Variants in ADAMTS16 observed in about 807,000 individuals in gnomAD.
ADAMTS16 encodes A disintegrin and metalloproteinase with thrombospondin motifs 16.
A neutral mutation model predicts 145.8 loss-of-function variants in ADAMTS16; 94 were observed. The observed-to-expected ratio is 0.64, with a 90% CI of 0.55 to 0.77. ADAMTS16 has a LOEUF of 0.77. Among genes scored for constraint, ADAMTS16 ranks in the 30% least tolerant of loss-of-function variants. The pLI, the probability that ADAMTS16 is intolerant of heterozygous loss-of-function variation, is 0.00. For synonymous variants in ADAMTS16, 659 were observed against 604.3 expected (o/e 1.09, Z -1.33); for missense variants, 1,585 against 1,591.5 (o/e 1.00, Z 0.07).
intron 8 of ADAMTS16, among the ~76,000 whole-genome samples, chr5:5,192,692 G>C (rs1735697073): frequency 1.3e-5 from 2 of 152,234 alleles, no homozygotes; most frequent in South Asian, 4.1e-4. Context: ...ATGGGCGGTG[G>C]GTCATTAGTG....
At chr5:5,176,318 A>G (rs938473412) in intron 3 of ADAMTS16, 2 of 152,272 alleles carry the variant, frequency 1.3e-5, no homozygotes, top group Admixed American at 6.5e-5. Flanking sequence ...GGTAAGAAGT[A>G]TTTACCCCTG....
intron 9 of ADAMTS16, among the ~76,000 whole-genome samples, chr5:5,200,482 A>T (rs1735926176): frequency 6.6e-6 from 1 of 152,202 alleles, no homozygotes; most frequent in Admixed American, 6.5e-5. Flanking sequence ...ATTCAAAGGG[A>T]ATCAATGACT....
At chr5:5,259,811 A>G (rs1737938301) in intron 17 of ADAMTS16, among the ~76,000 whole-genome samples, 2 of 152,186 alleles carry the variant, frequency 1.3e-5, no homozygotes, top group Admixed American at 1.3e-4. Flanking sequence ...CTCAGCTTTC[A>G]GCTTCATTTT....
chr5:5,214,265 A>G (rs1395042286), intron 10 of ADAMTS16, among the ~76,000 whole-genome samples: 1 of 152,220 alleles, frequency 6.6e-6, no homozygotes, highest in Non-Finnish European at 1.5e-5. Flanking sequence ...CAGTTACTTC[A>G]TAGTGGACGG....
intron 17 of ADAMTS16, among the ~76,000 whole-genome samples, chr5:5,247,682 G>A (rs1288400814): frequency 1.3e-5 from 2 of 152,196 alleles, no homozygotes; most frequent in East Asian, 1.9e-4. Context: ...GTACCCACAG[G>A]TCTTAACGTC....
chr5:5,179,137 A>C (rs1015675974), intron 3 of ADAMTS16, among the ~76,000 whole-genome samples: 1 of 149,592 alleles, frequency 6.7e-6, no homozygotes, highest in Non-Finnish European at 1.5e-5. Context: ...AGCTGTTCTT[A>C]TATCTGCATC....
intron 18 of ADAMTS16, among the ~76,000 whole-genome samples, chr5:5,280,098 T>C (rs1349419623): frequency 3.3e-5 from 5 of 152,168 alleles, no homozygotes; most frequent in Non-Finnish European, 7.3e-5. Context: ...TAGATTTTGC[T>C]CCTTTTTTGT....
rs1261010398 is a variant in ADAMTS16, at chr5:5,317,840, C to T, written c.3412-294C>T. 7.7e-6 allele frequency among the ~76,000 whole-genome samples: 1 copy of T among 129,530 alleles called. No individual in the cohort carries two copies. Among genetic ancestry groups the T allele is most frequent in the African/African-American group, 2.8e-5 (1 of 36,178 alleles). 85.0% of individuals were successfully genotyped at this position (129,530 alleles called of 152,430 possible). On this transcript the variant is annotated intron_variant, in intron 21 of 22. Coordinates refer to ENST00000274181, the MANE Select transcript of ADAMTS16 (RefSeq NM_139056.4). This position sits in a 1 kb window ranked among gnomAD's most constrained non-coding sequence, Gnocchi z 4.5. ...GTCACCGCTCAAGGCTCAAGGCTGT[C>T]TTCTATCTGAAAACAGGAAGGGTTC...
chr5:5,194,089 G>A (rs769253234), intron 8 of ADAMTS16, among the ~76,000 whole-genome samples: 3 of 151,982 alleles, frequency 2.0e-5, no homozygotes, highest in Non-Finnish European at 4.4e-5. Flanking sequence ...GTGGCAGAAT[G>A]AGACCCTGTA....
chr5:5,190,782 G>A (rs943775733), intron 7 of ADAMTS16, among the ~76,000 whole-genome samples: 2 of 152,200 alleles, frequency 1.3e-5, no homozygotes, highest in East Asian at 1.9e-4. Flanking sequence ...GCAAGTTAAC[G>A]TGGTGTCCCG....
intron 13 of ADAMTS16, 71 bp downstream of exon 13, chr5:5,235,257 T>C (rs1737068973): frequency 2.2e-6 from 3 of 1,389,594 alleles, no homozygotes; most frequent in South Asian, 1.8e-5. Flanking sequence ...AAGTACATGA[T>C]TGAGAGTGTG....
chr5:5,306,388 C>T, intron 20 of ADAMTS16, 116 bp from the exon 21 acceptor site: 1 of 898,688 alleles, frequency 1.1e-6, no homozygotes, highest in Non-Finnish European at 1.7e-6. Flanking sequence ...CAATAATTTT[C>T]ACTGAATGTT....
chr5:5,240,023 A>G, intron 16 of ADAMTS16, 98 bp downstream of exon 16: 1 of 1,517,100 alleles, frequency 6.6e-7, no homozygotes, highest in South Asian at 1.3e-5. Context: ...GAAGAATGTA[A>G]ACAGTTATAA....
chr5:5,140,619 G>A, intron 1 of ADAMTS16, 45 bp from the exon 2 acceptor site: 1 of 1,526,180 alleles, frequency 6.6e-7, no homozygotes, highest in Non-Finnish European at 8.8e-7. Flanking sequence ...CTCCTCTCCC[G>A]CGGACCCCGC....
At chr5:5,189,838 T>C in intron 6 of ADAMTS16, 133 bp from the exon 7 acceptor site, 1 of 1,093,964 alleles carries the variant, frequency 9.1e-7, no homozygotes, top group Non-Finnish European at 1.3e-6. Context: ...AATACACGCG[T>C]TAGCTTATAT....
At chr5:5,198,581 T>C (rs747389738) in intron 8 of ADAMTS16, among the ~76,000 whole-genome samples, 2 of 152,188 alleles carry the variant, frequency 1.3e-5, no homozygotes, top group Non-Finnish European at 2.9e-5. Context: ...GGTCTTGCTG[T>C]CTTTATATTA....
chr5:5,266,775 A>AT (rs892843436), intron 18 of ADAMTS16, among the ~76,000 whole-genome samples: 1 of 152,148 alleles, frequency 6.6e-6, no homozygotes, highest in Non-Finnish European at 1.5e-5. Flanking sequence ...TGCTCAACAG[A>AT]TTATGTGGCG....
intron 17 of ADAMTS16, among the ~76,000 whole-genome samples, chr5:5,261,908 A>G (rs1738049576): frequency 6.6e-6 from 1 of 152,150 alleles, no homozygotes; most frequent in Non-Finnish European, 1.5e-5. Context: ...CTTTCTGTCC[A>G]TTAGACATTA....
intron 22 of ADAMTS16, 152 bp downstream of exon 22, chr5:5,318,433 C>T: frequency 3.5e-6 from 3 of 847,332 alleles, no homozygotes. Flanking sequence ...TGAAATGGTC[C>T]ATAGAGCAGA....
Sources: allele counts gnomAD v4.1 joint callset (sites outside exome capture counted in the v4.1 genomes callset), GRCh38; gene constraint gnomAD v4.1.1; non-coding constraint Gnocchi (gnomAD v3.1); transcripts MANE v1.5; gene names NCBI Gene and HGNC (gene_info 2026-07-23, HGNC 2026-07-21).